The following PHLPP1 variants were observed in gnomAD, a reference collection of about 807,000 sequenced individuals.
PHLPP1 encodes PH domain and leucine rich repeat protein phosphatase 1.
A neutral mutation model predicts 117.2 loss-of-function variants in PHLPP1; 42 were observed. The observed-to-expected ratio is 0.36, with a 90% CI of 0.28 to 0.46. The LOEUF is 0.46. Ranked by LOEUF, PHLPP1 falls within the 20% of genes least tolerant of loss-of-function variation. The pLI is 1.00. For missense variants in PHLPP1, 2,084 were observed against 2,241.9 expected, an observed-to-expected ratio of 0.93 and a Z score of 1.42; for synonymous variants, 1,042 against 970.7, an observed-to-expected ratio of 1.07 and a Z score of -1.37.
chr18:62,963,813 G>C (rs1020999237), intron 14 of PHLPP1, among the ~76,000 whole-genome samples: 1 of 152,306 alleles, frequency 6.6e-6, no homozygotes, highest in African/African-American at 2.4e-5. Flanking sequence ...TCTGACGCTT[G>C]TTTACCAAGC....
chr18:62,938,063 A>C (rs1910026522), intron 10 of PHLPP1, among the ~76,000 whole-genome samples: 1 of 152,164 alleles, frequency 6.6e-6, no homozygotes, highest in Admixed American at 6.5e-5. Context: ...TGGAATCTAC[A>C]AAGTACCTTA....
At chr18:62,966,970 A>C (rs1362872564) in intron 14 of PHLPP1, among the ~76,000 whole-genome samples, 4 of 152,176 alleles carry the variant, frequency 2.6e-5, no homozygotes, top group African/African-American at 9.7e-5. Context: ...AGAATTATAT[A>C]GTATATGGCC....
chr18:62,747,921 C>T (rs1351946500), intron 1 of PHLPP1, among the ~76,000 whole-genome samples: 2 of 152,086 alleles, frequency 1.3e-5, no homozygotes, highest in East Asian at 3.9e-4. Context: ...CAGATTTTAT[C>T]GTATAATTGT....
chr18:62,739,730 G>A (rs979478904), intron 1 of PHLPP1, among the ~76,000 whole-genome samples: 2 of 152,066 alleles, frequency 1.3e-5, no homozygotes, highest in African/African-American at 4.8e-5. Context: ...AGGGTCGTCT[G>A]TTTCCATAAG....
At chr18:62,875,517 G>C (rs150036507) in intron 4 of PHLPP1, among the ~76,000 whole-genome samples, 58 of 151,942 alleles carry the variant, frequency 3.8e-4, no homozygotes, top group African/African-American at 1.1e-3. Context: ...TGTGTGCTCT[G>C]CTTGGCTTTG....
rs190282110 is a variant in PHLPP1, at chr18:62,912,684, A to G, written c.2709-2229A>G. Among the ~76,000 whole-genome samples, 22 of 152,216 alleles carry G rather than the reference A, an allele frequency of 1.4e-4. No homozygotes were observed. In the East Asian group the frequency reaches 1.7e-3, roughly 12 times the overall value. On this transcript the variant is annotated intron_variant, in intron 8 of 16. Coordinates refer to ENST00000262719, the MANE Select transcript of PHLPP1 (RefSeq NM_194449.4). ...GCCTAGGCTGGAGTGCAGTGGCGCA[A>G]TCTTGGCTCACTGCAACCTCTACTT...
At chr18:62,784,078 G>C (rs1257799863) in intron 1 of PHLPP1, among the ~76,000 whole-genome samples, 1 of 151,532 alleles carries the variant, frequency 6.6e-6, no homozygotes, top group African/African-American at 2.4e-5. Context: ...AGACGATGGG[G>C]AGTATTTTGA....
chr18:62,963,308 T>G (rs752235031), intron 13 of PHLPP1, 60 bp from the exon 14 acceptor site: 1 of 1,086,762 alleles, frequency 9.2e-7, no homozygotes, highest in Non-Finnish European at 1.4e-6. Flanking sequence ...TGGATAAAGG[T>G]AGCAATTTGC....
At chr18:62,912,424 CCTA>C (rs904364857) in intron 8 of PHLPP1, among the ~76,000 whole-genome samples, 13 of 151,348 alleles carry the variant, frequency 8.6e-5, no homozygotes, top group South Asian at 2.1e-4. Context: ...TCATGCATTT[CCTA>C]CTACCTATCA....
At position 62,978,523 on chromosome 18, in the gene PHLPP1, A is replaced by G; in HGVS notation, c.4246A>G (p.Ser1416Gly). The G allele has an allele frequency of 1.9e-6, 3 of 1,610,552 alleles. No individual in the cohort carries two copies. Among genetic ancestry groups the G allele is most frequent in the South Asian group, 2.2e-5 (2 of 90,540 alleles). The change falls in exon 17 of 17, where the codon AGC becomes GGC. Residue 1416 changes from serine (S) to glycine (G), a missense_variant. By Grantham distance (56) the Ser-to-Gly change is moderately conservative. Around this residue, in one of 2 missense-constraint regions of PHLPP1, gnomAD observed 1,365 missense variants for 1,605.9 expected, o/e 0.85. Transcript: ENST00000262719. The surrounding 1 kb of genome is among the most constrained non-coding windows in gnomAD (Gnocchi z 7.0). ...AQSYGCHDSI[S>G]AVVVQLSVTE... is the part of the protein sequence containing the mutation. ...GAGCTACGGCTGCCACGACAGCATCAGCGCTGTGGTGGTGCAGCTCAGTGT... is the reference window on the plus strand; with the variant it reads ...GAGCTACGGCTGCCACGACAGCATCGGCGCTGTGGTGGTGCAGCTCAGTGT...
intron 10 of PHLPP1, among the ~76,000 whole-genome samples, chr18:62,935,970 T>C (rs1327516545): frequency 6.6e-6 from 1 of 152,170 alleles, no homozygotes; most frequent in Non-Finnish European, 1.5e-5. Context: ...GCCATTGCAC[T>C]CCAGCTTGGG....
intron 2 of PHLPP1, among the ~76,000 whole-genome samples, chr18:62,837,231 ATC>A (rs1261726198): frequency 2.0e-5 from 3 of 152,174 alleles, no homozygotes; most frequent in Admixed American, 2.0e-4. Context: ...GGCTCAAGCG[ATC>A]TGTCCCTCTA....
intron 12 of PHLPP1, among the ~76,000 whole-genome samples, chr18:62,953,873 A>AG (rs1555684552): frequency 4.6e-5 from 7 of 152,128 alleles, no homozygotes; most frequent in Admixed American, 3.3e-4. Flanking sequence ...GAAGGAAGGA[A>AG]GTAGGGTGTT....
At chr18:62,940,362 T>C (rs1157976800) in intron 10 of PHLPP1, among the ~76,000 whole-genome samples, 3 of 118,644 alleles carry the variant, frequency 2.5e-5, no homozygotes, top group East Asian at 2.4e-4. Flanking sequence ...TTCTTTTTTT[T>C]TTTTTTTTTT....
chr18:62,727,073 C>T (rs954905423), intron 1 of PHLPP1, among the ~76,000 whole-genome samples: 4 of 150,644 alleles, frequency 2.7e-5, no homozygotes, highest in African/African-American at 7.3e-5. Context: ...ACTAAAAATA[C>T]AAAAATTAGC....
chr18:62,956,391 T>G (rs1051935172), intron 12 of PHLPP1, among the ~76,000 whole-genome samples: 2 of 152,196 alleles, frequency 1.3e-5, no homozygotes, highest in Non-Finnish European at 2.9e-5. Flanking sequence ...AAAGCCCTTA[T>G]GACCTCATCT....
At chr18:62,872,766 T>G (rs1915935040) in intron 4 of PHLPP1, among the ~76,000 whole-genome samples, 1 of 148,662 alleles carries the variant, frequency 6.7e-6, no homozygotes, top group Admixed American at 6.7e-5. Context: ...GTGAGTGGAT[T>G]ATTTGAGGTC....
rs1163560119 is a variant in PHLPP1 at position 62,843,728 on chromosome 18, G to A, written c.1899+4819G>A. 4.0e-4 allele frequency among the ~76,000 whole-genome samples: 61 copies of A among 152,128 alleles called. 1 individual carries two copies. The stretch of plus-strand genomic sequence containing the variant: ...TCCTATTATATACAGTGTAAAAAAC[G>A]GCTCTGTTTGTTCAACATAGGTACA... On this transcript the variant is annotated intron_variant, in intron 3 of 16. Coordinates refer to ENST00000262719, the MANE Select transcript of PHLPP1 (RefSeq NM_194449.4).
intron 1 of PHLPP1, among the ~76,000 whole-genome samples, chr18:62,793,848 A>G (rs1043095487): frequency 1.3e-5 from 2 of 152,102 alleles, no homozygotes; most frequent in African/African-American, 4.8e-5. Flanking sequence ...GACTAGTTGA[A>G]TGTTTCTCAA....
Sources: gnomAD v4.1 joint callset for allele counts (sites outside exome capture counted in the v4.1 genomes callset) on GRCh38, gnomAD v4.1.1 for gene constraint, gnomAD v4.1.1 regional missense constraint, Gnocchi (gnomAD v3.1) non-coding constraint, MANE v1.5 for transcripts, NCBI Gene and HGNC (gene_info 2026-07-23, HGNC 2026-07-21) for gene names.